The following MARCHF11 variants were observed in gnomAD, a reference collection of about 807,000 sequenced individuals.
MARCHF11 encodes membrane associated ring-CH-type finger 11, also known as E3 ubiquitin-protein ligase MARCHF11.
MARCHF11 carries 29 observed loss-of-function variants against 37.3 expected under a neutral mutation model. That is an observed-to-expected ratio of 0.78 (90% CI 0.58 to 1.06). The LOEUF (loss-of-function observed/expected upper bound fraction) is 1.06. Among genes scored for constraint, MARCHF11 ranks in the 50% least tolerant of loss-of-function variants. The pLI is 0.00. For synonymous variants in MARCHF11, 233 were observed against 228.0 expected (o/e 1.02, Z -0.20); for missense variants, 482 against 533.4 (o/e 0.90, Z 0.95).
chr5:16,079,665 A>G (rs1736574632), intron 3 of MARCHF11, among the ~76,000 whole-genome samples: 1 of 152,044 alleles, frequency 6.6e-6, no homozygotes, highest in Non-Finnish European at 1.5e-5. Flanking sequence ...TCCTCTCCCC[A>G]GGGCCCTCAG....
rs1472125701 is a variant in MARCHF11, at chr5:16,084,445, C to T, written c.886+6444G>A. 2.6e-5 allele frequency among the ~76,000 whole-genome samples: 4 copies of T among 152,046 alleles called. No individual in the cohort carries two copies. The East Asian group carries it at 7.7e-4, about 29-fold the overall frequency. ...GTCACTTGAGGTCAGGAGTTGAAGG[C>T]CACCCTGGCCAACATGGTGAAACCC... On this transcript the variant is annotated intron_variant, in intron 3 of 3. Transcript: ENST00000332432.
intron 2 of MARCHF11, among the ~76,000 whole-genome samples, chr5:16,126,653 A>T (rs1419979269): frequency 6.6e-6 from 1 of 152,180 alleles, no homozygotes; most frequent in African/African-American, 2.4e-5. Flanking sequence ...AAAAGATACT[A>T]TATTCTTTCT....
intron 2 of MARCHF11, among the ~76,000 whole-genome samples, chr5:16,155,667 A>C (rs1349185579): frequency 6.6e-6 from 1 of 151,834 alleles, no homozygotes; most frequent in Non-Finnish European, 1.5e-5. Flanking sequence ...GTACAACCGA[A>C]GCACCTAAAA....
At chr5:16,111,411 ACTCTTG>A (rs771854019) in intron 2 of MARCHF11, among the ~76,000 whole-genome samples, 3 of 151,960 alleles carry the variant, frequency 2.0e-5, no homozygotes, top group Non-Finnish European at 4.4e-5. Flanking sequence ...GGTAAATGTG[ACTCTTG>A]CTATGTTTTA....
At chr5:16,133,792 G>T (rs1270436846) in intron 2 of MARCHF11, among the ~76,000 whole-genome samples, 4 of 149,586 alleles carry the variant, frequency 2.7e-5, no homozygotes, top group African/African-American at 9.9e-5. Flanking sequence ...ACTAATGACA[G>T]CTGATGAGCT....
rs1314107748 is a variant in MARCHF11 at position 16,084,633 on chromosome 5, ACT to A, written c.886+6254_886+6255del. On this transcript the variant is annotated intron_variant, in intron 3 of 3. Coordinates refer to ENST00000332432, the MANE Select transcript of MARCHF11 (RefSeq NM_001102562.3). ...AATCCAGCCAGGGTGACAGAGCAAG[ACT>A]CTGTGTCAAAAAAACAAAAAAAAAA... Among the ~76,000 whole-genome samples the A allele has an allele frequency of 4.6e-5, 7 of 150,806 alleles. No individual in the cohort carries two copies. In the East Asian group the frequency reaches 1.4e-3, roughly 29 times the overall value.
At chr5:16,082,195 T>C (rs1736621259) in intron 3 of MARCHF11, among the ~76,000 whole-genome samples, 1 of 152,220 alleles carries the variant, frequency 6.6e-6, no homozygotes, top group Non-Finnish European at 1.5e-5. Context: ...GCATGAAGGA[T>C]CCGAGGCAGG....
At chr5:16,113,106 C>T (rs1737174382) in intron 2 of MARCHF11, among the ~76,000 whole-genome samples, 1 of 152,070 alleles carries the variant, frequency 6.6e-6, no homozygotes, top group Admixed American at 6.6e-5. Context: ...TTGCCAATAC[C>T]ACTAGTAAAC....
intron 2 of MARCHF11, among the ~76,000 whole-genome samples, chr5:16,147,473 C>T (rs1371988992): frequency 6.6e-6 from 1 of 152,148 alleles, no homozygotes. Context: ...GAAACCTGAT[C>T]TGTGGGCTTA....
chr5:16,137,976 G>A (rs1255491331), intron 2 of MARCHF11, among the ~76,000 whole-genome samples: 5 of 152,184 alleles, frequency 3.3e-5, no homozygotes, highest in Non-Finnish European at 4.4e-5. Context: ...TGGAACTTAT[G>A]TTTAAGAGCG....
chr5:16,094,402 T>C (rs945147100), intron 2 of MARCHF11, among the ~76,000 whole-genome samples: 1 of 152,182 alleles, frequency 6.6e-6, no homozygotes, highest in East Asian at 1.9e-4. Context: ...CCATAAGTTT[T>C]GGAAATAATC....
chr5:16,116,252 C>T (rs935629822), intron 2 of MARCHF11, among the ~76,000 whole-genome samples: 4 of 152,100 alleles, frequency 2.6e-5, no homozygotes, highest in Non-Finnish European at 5.9e-5. Context: ...TCTGTACAGG[C>T]ACAAAATTGA....
chr5:16,107,673 T>C (rs2126567860), intron 2 of MARCHF11, among the ~76,000 whole-genome samples: 1 of 152,088 alleles, frequency 6.6e-6, no homozygotes, highest in Non-Finnish European at 1.5e-5. Flanking sequence ...GCCCAAAAAG[T>C]TGCCTTTTGG....
rs1274306294 is a variant in MARCHF11, at chr5:16,120,438, T to C, written c.694-29357A>G. ...TCCACTTGGCCCCTCTAGGGTCTCT[T>C]CTCCACAGAGCAGCCAGACAGTTGC... On this transcript the variant is annotated intron_variant, in intron 2 of 3. Coordinates refer to ENST00000332432, the MANE Select transcript of MARCHF11 (RefSeq NM_001102562.3). Among the ~76,000 whole-genome samples, 6 of 152,350 alleles carry C rather than the reference T, an allele frequency of 3.9e-5. No individual in the cohort carries two copies. In the East Asian group the frequency reaches 1.2e-3, roughly 29 times the overall value.
chr5:16,115,277 C>T (rs1480252692), intron 2 of MARCHF11, among the ~76,000 whole-genome samples: 1 of 152,142 alleles, frequency 6.6e-6, no homozygotes, highest in Non-Finnish European at 1.5e-5. Context: ...CCTTCATAAC[C>T]CTTGCCCTAG....
At chr5:16,126,568 A>G (rs959635501) in intron 2 of MARCHF11, among the ~76,000 whole-genome samples, 6 of 152,270 alleles carry the variant, frequency 3.9e-5, no homozygotes, top group Admixed American at 3.9e-4. Flanking sequence ...TTTATAAAGA[A>G]GAACTGACTG....
chr5:16,093,634 G>T (rs889732245), intron 2 of MARCHF11, among the ~76,000 whole-genome samples: 1 of 152,178 alleles, frequency 6.6e-6, no homozygotes, highest in African/African-American at 2.4e-5. Context: ...AATGAAGGGA[G>T]AGGCTCACCA....
At chr5:16,088,480 A>T (rs924790750) in intron 3 of MARCHF11, among the ~76,000 whole-genome samples, 3 of 152,222 alleles carry the variant, frequency 2.0e-5, no homozygotes, top group Non-Finnish European at 4.4e-5. Flanking sequence ...TAAATCTTCC[A>T]GTCGGGAGTA....
intron 2 of MARCHF11, among the ~76,000 whole-genome samples, chr5:16,165,828 C>G (rs953661857): frequency 6.6e-6 from 1 of 152,024 alleles, no homozygotes; most frequent in African/African-American, 2.4e-5. Context: ...CTCATCCTTT[C>G]CACTCTATTA....
Sources: gnomAD v4.1 joint callset for allele counts (sites outside exome capture counted in the v4.1 genomes callset) on GRCh38, gnomAD v4.1.1 for gene constraint, MANE v1.5 for transcripts, NCBI Gene and HGNC (gene_info 2026-07-23, HGNC 2026-07-21) for gene names.